Variants in DNAJC5B observed in about 807,000 individuals in gnomAD.
The protein encoded by DNAJC5B is dnaJ homolog subfamily C member 5B.
Under a neutral mutation model 24.7 loss-of-function variants are expected in DNAJC5B, and 23 were observed. The observed-to-expected ratio is 0.93, with a 90% confidence interval of 0.67 to 1.32. DNAJC5B has a LOEUF of 1.32. Ranked by LOEUF, DNAJC5B falls within the 40% of genes most tolerant of loss-of-function variation. The pLI, the probability that DNAJC5B is intolerant of heterozygous loss-of-function variation, is 0.00. For missense variants in DNAJC5B, 238 were observed against 240.8 expected, an observed-to-expected ratio of 0.99 and a Z score of 0.08; for synonymous variants, 101 against 90.1, an observed-to-expected ratio of 1.12 and a Z score of -0.68.
chr8:66,028,513 C>T (rs1389348339), intron 1 of DNAJC5B, among the ~76,000 whole-genome samples: 3 of 152,166 alleles, frequency 2.0e-5, no homozygotes, highest in Non-Finnish European at 4.4e-5. Flanking sequence ...TGTTCCAAAA[C>T]TAATTCATTA....
rs144361628 is a variant in DNAJC5B, at chr8:66,079,003, CTCTT to C, written c.334-1366_334-1363del. 3.0e-3 allele frequency among the ~76,000 whole-genome samples: 452 copies of C among 152,230 alleles called. 2 individuals carry two copies. Among genetic ancestry groups the C allele is most frequent in the African/African-American group, 0.01 (418 of 41,538 alleles). On this transcript the variant is annotated intron_variant, in intron 4 of 5. Transcript: ENST00000276570. ...GTGTTTCAATTAAAGGTGTATAAAC[CTCTT>C]TCTTTCTATTTCAAATTACATATTT...
In DNAJC5B at chr8:66,080,466, G is replaced by T; in HGVS notation, c.423G>T (p.Arg141=). 1 of 1,614,032 alleles carries T rather than the reference G, an allele frequency of 6.2e-7. No individual in the cohort carries two copies. Among genetic ancestry groups the T allele is most frequent in the Non-Finnish European group, 8.5e-7 (1 of 1,180,002 alleles). The change falls in exon 5 of 6, where the codon CGG becomes CGT. Residue 141 remains arginine (R), a synonymous_variant. Coordinates refer to ENST00000276570, the MANE Select transcript of DNAJC5B (RefSeq NM_033105.6). ...CCCNCCCGHC[R]PESSVPEEDF... ...GCAACTGCTGCTGTGGACACTGCCG[G>T]CCCGAGTCATCAGTGCCAGAAGAGG...
rs77778078 is a variant in DNAJC5B at position 66,040,232 on chromosome 8, T to C, written c.-141-3256T>C. On this transcript the variant is annotated intron_variant, in intron 1 of 5. Transcript: ENST00000276570. Reference sequence around the variant, plus strand: ...TGGTGAAACCCCGTCTCTATTAAAATACAAAAAATTAGCCAGGAGTGGTGA... The same window carrying C: ...TGGTGAAACCCCGTCTCTATTAAAACACAAAAAATTAGCCAGGAGTGGTGA... Among the ~76,000 whole-genome samples the C allele has an allele frequency of 6.9e-3, 1,034 of 150,836 alleles. 14 individuals are homozygous for C. The highest frequency in any genetic ancestry group is 0.023 in the African/African-American group (934 of 41,370).
intron 3 of DNAJC5B, among the ~76,000 whole-genome samples, chr8:66,067,175 ACCCCCCACCCTCCCCCACTTCCCACCG>A (rs1807237221): frequency 7.1e-6 from 1 of 140,450 alleles, no homozygotes; most frequent in East Asian, 2.2e-4. Flanking sequence ...GAAAGAACAC[ACCCCCCACCCTCCCCCACTTCCCACCG>A]CCCCCCACCC....
At chr8:66,067,862 T>C (rs1418245448) in intron 3 of DNAJC5B, among the ~76,000 whole-genome samples, 1 of 152,238 alleles carries the variant, frequency 6.6e-6, no homozygotes, top group African/African-American at 2.4e-5. Flanking sequence ...CACCAAGTTC[T>C]GCTCAATGAC....
intron 2 of DNAJC5B, among the ~76,000 whole-genome samples, chr8:66,043,825 T>TC (rs1455653479): frequency 4.6e-5 from 7 of 151,068 alleles, no homozygotes; most frequent in Non-Finnish European, 7.4e-5. Flanking sequence ...AAGAACCTTT[T>TC]TTTTTTTTTT....
At chr8:66,041,616 AT>A (rs1298221873) in intron 1 of DNAJC5B, among the ~76,000 whole-genome samples, 2 of 152,190 alleles carry the variant, frequency 1.3e-5, no homozygotes, top group East Asian at 3.8e-4. Flanking sequence ...ATCTTGGAAG[AT>A]ATACTAAGTT....
intron 4 of DNAJC5B, among the ~76,000 whole-genome samples, chr8:66,079,384 A>G (rs948553690): frequency 1.3e-5 from 2 of 152,214 alleles, no homozygotes; most frequent in Admixed American, 1.3e-4. Context: ...CACTTAAAAA[A>G]AGCACCAAAG....
At chr8:66,097,202 CTT>C (rs201374510) in intron 5 of DNAJC5B, among the ~76,000 whole-genome samples, 2 of 139,304 alleles carry the variant, frequency 1.4e-5, no homozygotes, top group African/African-American at 2.6e-5. Flanking sequence ...TTTCCTGTTT[CTT>C]TTTTTTTTTT....
At chr8:66,095,500 A>G (rs1429997582) in intron 5 of DNAJC5B, among the ~76,000 whole-genome samples, 6 of 151,170 alleles carry the variant, frequency 4.0e-5, no homozygotes, top group Non-Finnish European at 8.9e-5. Flanking sequence ...GATTGTTTCT[A>G]CTTAATTTCT....
At chr8:66,055,309 G>T (rs550200969) in intron 3 of DNAJC5B, among the ~76,000 whole-genome samples, 4 of 152,274 alleles carry the variant, frequency 2.6e-5, no homozygotes, top group Non-Finnish European at 5.9e-5. Flanking sequence ...AATCCACTGA[G>T]AATATTATTC....
upstream of DNAJC5B, among the ~76,000 whole-genome samples, chr8:66,017,182 A>G (rs957630683): frequency 4.5e-4 from 68 of 152,130 alleles, no homozygotes; most frequent in Admixed American, 4.1e-3. Context: ...TGACTTGAGC[A>G]TTGTGTTTCT....
At chr8:66,075,538 T>C (rs559288304) in intron 3 of DNAJC5B, among the ~76,000 whole-genome samples, 151 of 152,312 alleles carry the variant, frequency 9.9e-4, no homozygotes, top group Non-Finnish European at 1.7e-3. Flanking sequence ...AAAAAACATG[T>C]CTACAATGGT....
At chr8:66,094,639 C>T (rs1807912327) in intron 5 of DNAJC5B, among the ~76,000 whole-genome samples, 2 of 151,932 alleles carry the variant, frequency 1.3e-5, no homozygotes, top group Non-Finnish European at 1.5e-5. Context: ...TAAACCGCAC[C>T]AAGTATGTGA....
intron 5 of DNAJC5B, among the ~76,000 whole-genome samples, chr8:66,090,189 C>T (rs1040831924): frequency 1.2e-4 from 18 of 151,496 alleles, no homozygotes; most frequent in Admixed American, 1.2e-3. Context: ...TACAGACCAT[C>T]TTGAGAGAGA....
chr8:66,026,436 T>C (rs1176046058), intron 1 of DNAJC5B, among the ~76,000 whole-genome samples: 1 of 152,202 alleles, frequency 6.6e-6, no homozygotes, highest in Non-Finnish European at 1.5e-5. Flanking sequence ...CCGGAGAAGA[T>C]GCAGCCTTGA....
intron 1 of DNAJC5B, among the ~76,000 whole-genome samples, chr8:66,026,681 T>G (rs1008223997): frequency 6.6e-6 from 1 of 152,228 alleles, no homozygotes; most frequent in Non-Finnish European, 1.5e-5. Context: ...GTGAAGTCTG[T>G]GGAGGAATGT....
At chr8:66,043,962 G>A (rs930835533) in intron 2 of DNAJC5B, among the ~76,000 whole-genome samples, 4 of 151,928 alleles carry the variant, frequency 2.6e-5, no homozygotes, top group African/African-American at 9.7e-5. Context: ...GAGTTGCTGG[G>A]ATTACAGGCA....
At chr8:66,043,163 T>G (rs1376968372) in intron 1 of DNAJC5B, among the ~76,000 whole-genome samples, 1 of 152,214 alleles carries the variant, frequency 6.6e-6, no homozygotes, top group East Asian at 1.9e-4. Context: ...TAATAAATAG[T>G]GAGCAGTTAA....
Sources: gnomAD v4.1 joint callset for allele counts (sites outside exome capture counted in the v4.1 genomes callset) on GRCh38, gnomAD v4.1.1 for gene constraint, MANE v1.5 for transcripts, NCBI Gene and HGNC (gene_info 2026-07-23, HGNC 2026-07-21) for gene names.